Variants in CCDC169 observed in about 807,000 individuals in gnomAD.
The protein encoded by CCDC169 is coiled-coil domain-containing protein 169.
In CCDC169, 30 loss-of-function variants were observed where a neutral mutation model predicts 36.0. The ratio of observed to expected loss-of-function variants is 0.83; its 90% CI spans 0.62 to 1.13. CCDC169 has a LOEUF of 1.13. Among genes scored for constraint, CCDC169 ranks in the 50% most tolerant of loss-of-function variants. The pLI is 0.00. For missense variants in CCDC169, 245 were observed against 245.9 expected, an observed-to-expected ratio of 1.00 and a Z score of 0.03; for synonymous variants, 85 against 81.5, an observed-to-expected ratio of 1.04 and a Z score of -0.23.
chr13:36,274,412 T>C (rs2138573897), intron 4 of CCDC169: 1 of 152,272 alleles, frequency 6.6e-6, no homozygotes, highest in Middle Eastern at 3.4e-3. Context: ...ACAGACTCTC[T>C]CATTCCATCA....
In CCDC169 at chr13:36,295,860, G is replaced by C. The variant is rs1879416725; in HGVS notation, c.84-3C>G. 4.6e-6 allele frequency: 7 copies of C among 1,506,436 alleles called. No homozygotes were observed. Among genetic ancestry groups the C allele is most frequent in the Non-Finnish European group, 6.3e-6 (7 of 1,116,154 alleles). The allele number at this position is 1,506,436 out of a possible 1,614,324, so 93.3% of individuals were successfully genotyped here. On this transcript the variant is annotated splice_polypyrimidine_tract_variant and splice_region_variant and intron_variant, in intron 1 of 7. Transcript: ENST00000239859. ...ATATTGAGAGTTGCACTGCATCCCTGTTATTTAAAATATTTTTGTTGATTA... is the reference window on the plus strand; with the variant it reads ...ATATTGAGAGTTGCACTGCATCCCTCTTATTTAAAATATTTTTGTTGATTA...
At chr13:36,279,529 T>C (rs1877246669) in intron 4 of CCDC169, among the ~76,000 whole-genome samples, 1 of 152,182 alleles carries the variant, frequency 6.6e-6, no homozygotes, top group Non-Finnish European at 1.5e-5. Flanking sequence ...AACTTTTTTA[T>C]TAGAATTACC....
At chr13:36,228,172 T>G (rs1870051755), downstream of CCDC169, among the ~76,000 whole-genome samples, 1 of 152,198 alleles carries the variant, frequency 6.6e-6, no homozygotes, top group Non-Finnish European at 1.5e-5. Flanking sequence ...CCATTTTTCT[T>G]GGGCATATAC....
rs79357969 is a variant in CCDC169 at position 36,287,518 on chromosome 13, C to A, written c.164-3816G>T. Among the ~76,000 whole-genome samples, 800 of 152,176 alleles carry A rather than the reference C, an allele frequency of 5.3e-3. 9 individuals carry two copies. Among genetic ancestry groups the A allele is most frequent in the African/African-American group, 0.019 (775 of 41,508 alleles). ...CCAAGGTAAAAGCTATTGGTTATTT[C>A]TTTGTGCATGTATGTATACATGTTT... On this transcript the variant is annotated intron_variant, in intron 2 of 7. Coordinates refer to ENST00000239859, the MANE Select transcript of CCDC169 (RefSeq NM_001144981.3).
At chr13:36,239,719 A>G (rs1301965426) in intron 7 of CCDC169, among the ~76,000 whole-genome samples, 1 of 152,168 alleles carries the variant, frequency 6.6e-6, no homozygotes, top group Non-Finnish European at 1.5e-5. Context: ...TTACTTATAT[A>G]AAGTCACATT....
downstream of CCDC169, chr13:36,224,757 C>T (rs1196896432): frequency 6.6e-6 from 1 of 152,164 alleles, no homozygotes; most frequent in Non-Finnish European, 1.5e-5. Context: ...TATCAAACTA[C>T]TAACATCATT....
chr13:36,239,598 G>A (rs9565970), intron 7 of CCDC169, among the ~76,000 whole-genome samples: 61,301 of 151,662 alleles, frequency 0.4, 13,093 homozygotes, highest in Non-Finnish European at 0.48. Context: ...ATAATAGTTA[G>A]TGTTTGTTGA....
chr13:36,228,906 T>G (rs550897382), downstream of CCDC169, among the ~76,000 whole-genome samples: 1 of 152,332 alleles, frequency 6.6e-6, no homozygotes, highest in Admixed American at 6.5e-5. Flanking sequence ...ATAAAACTTT[T>G]TCTCTACTTG....
chr13:36,273,043 G>A (rs1876310537), intron 4 of CCDC169, among the ~76,000 whole-genome samples: 1 of 152,064 alleles, frequency 6.6e-6, no homozygotes, highest in Non-Finnish European at 1.5e-5. Flanking sequence ...CAGGCACTCT[G>A]TTGTTGTTTC....
chr13:36,225,412 C>T (rs1459071130), downstream of CCDC169: 1 of 152,782 alleles, frequency 6.5e-6, no homozygotes, highest in East Asian at 1.9e-4. Flanking sequence ...ACTATGTTGC[C>T]CAGGCTGGTC....
intron 7 of CCDC169, among the ~76,000 whole-genome samples, chr13:36,238,034 T>G (rs567163816): frequency 1.3e-5 from 2 of 152,240 alleles, no homozygotes; most frequent in East Asian, 3.9e-4. Flanking sequence ...TCCCCATCAT[T>G]AAGGGACACA....
intron 7 of CCDC169, among the ~76,000 whole-genome samples, chr13:36,238,959 A>T (rs1157291977): frequency 6.6e-6 from 1 of 152,192 alleles, no homozygotes; most frequent in Non-Finnish European, 1.5e-5. Flanking sequence ...GGCCAGGTGC[A>T]GTGATTCATG....
chr13:36,252,645 T>C (rs1873314420), intron 6 of CCDC169, among the ~76,000 whole-genome samples: 1 of 152,204 alleles, frequency 6.6e-6, no homozygotes, highest in Non-Finnish European at 1.5e-5. Flanking sequence ...GACTATTTCT[T>C]CTTTTCCCAC....
intron 6 of CCDC169, among the ~76,000 whole-genome samples, chr13:36,252,910 C>T (rs551297124): frequency 9.9e-5 from 15 of 152,200 alleles, no homozygotes; most frequent in African/African-American, 3.6e-4. Flanking sequence ...AGATATTATG[C>T]TATACAAATA....
chr13:36,273,403 G>A (rs1176966875), intron 4 of CCDC169, among the ~76,000 whole-genome samples: 3 of 152,140 alleles, frequency 2.0e-5, no homozygotes, highest in Admixed American at 2.0e-4. Flanking sequence ...ATATGGGTTT[G>A]TGAGATAGGA....
Position 36,230,827 on chromosome 13 carries a change from TGGCAAAAA to T in CCDC169, c.*358_*365del. 1 of 991,122 alleles carries T rather than the reference TGGCAAAAA, an allele frequency of 1.0e-6. No homozygotes were observed. Among genetic ancestry groups the T allele is most frequent in the Non-Finnish European group, 1.2e-6 (1 of 834,046 alleles). The allele number at this position is 991,122 out of a possible 1,614,324, so 61.4% of individuals were successfully genotyped here. ...AAACTGAGCAAGATCCAGCCCAAAA[TGGCAAAAA>T]GGTTTTATGAATACACACTTTTTGC... On this transcript the variant is annotated 3_prime_UTR_variant, in exon 8 of 8. Transcript: ENST00000239859.
At chr13:36,271,246 T>C (rs1238251666) in intron 4 of CCDC169, among the ~76,000 whole-genome samples, 1 of 151,368 alleles carries the variant, frequency 6.6e-6, no homozygotes, top group Admixed American at 6.6e-5. Flanking sequence ...TATTAAAAAG[T>C]CAAAAAAAAA....
At chr13:36,282,248 T>A (rs1018406600) in intron 4 of CCDC169, among the ~76,000 whole-genome samples, 4 of 152,188 alleles carry the variant, frequency 2.6e-5, no homozygotes, top group Non-Finnish European at 5.9e-5. Context: ...TAAGCCCTTT[T>A]CCCTAATTGT....
chr13:36,226,999 TA>T, downstream of CCDC169: 1 of 425,524 alleles, frequency 2.4e-6, no homozygotes. Context: ...TCTCTCACTG[TA>T]AAAAAGTAAA....
Sources: gnomAD v4.1 joint callset for allele counts (sites outside exome capture counted in the v4.1 genomes callset) on GRCh38, gnomAD v4.1.1 for gene constraint, MANE v1.5 for transcripts, NCBI Gene and HGNC (gene_info 2026-07-23, HGNC 2026-07-21) for gene names.